The following GADL1 variants were observed in gnomAD, a reference collection of about 807,000 sequenced individuals.
The protein encoded by GADL1 is GAD like acidic amino acid decarboxylase 1.
Under a neutral mutation model 69.5 loss-of-function variants are expected in GADL1, and 71 were observed. The observed-to-expected ratio is 1.02, with a 90% CI of 0.84 to 1.25. GADL1 has a LOEUF of 1.25. GADL1 is among the 50% of genes most tolerant of loss of function. GADL1 has a pLI of 0.00. For missense variants in GADL1, 737 were observed against 631.8 expected, an observed-to-expected ratio of 1.17 and a Z score of -1.79; for synonymous variants, 254 against 214.4, an observed-to-expected ratio of 1.18 and a Z score of -1.62.
At chr3:30,785,382 C>CTTTTTACT (rs1696766551) in intron 13 of GADL1, among the ~76,000 whole-genome samples, 1 of 124,456 alleles carries the variant, frequency 8.0e-6, no homozygotes, top group Admixed American at 7.3e-5. Flanking sequence ...ATTTCTTTTT[C>CTTTTTACT]TTTTTTTTTT....
At chr3:30,870,781 T>G (rs1436888921) in intron 1 of GADL1, among the ~76,000 whole-genome samples, 25 of 151,306 alleles carry the variant, frequency 1.7e-4, no homozygotes. Flanking sequence ...GCGGATAGAT[T>G]GGATGTAGGG....
At chr3:30,848,936 C>T (rs1281518260) in intron 6 of GADL1, among the ~76,000 whole-genome samples, 1 of 152,124 alleles carries the variant, frequency 6.6e-6, no homozygotes, top group Non-Finnish European at 1.5e-5. Flanking sequence ...ACAGCAAGTC[C>T]CCCCATGAGG....
At chr3:30,885,910 G>A (rs956246602) in intron 1 of GADL1, among the ~76,000 whole-genome samples, 1 of 151,944 alleles carries the variant, frequency 6.6e-6, no homozygotes. Flanking sequence ...CCCAGCCTAT[G>A]TTTTTAAACT....
At chr3:30,838,822 G>A (rs746462875) in intron 9 of GADL1, among the ~76,000 whole-genome samples, 175 bp downstream of exon 9, 19 of 152,108 alleles carry the variant, frequency 1.2e-4, no homozygotes, top group South Asian at 2.1e-4. Flanking sequence ...ACACAAAGTC[G>A]TGGAATCTTC....
At chr3:30,854,858 A>G (rs1322511564) in intron 3 of GADL1, 69 bp from the exon 4 acceptor site, 1 of 758,128 alleles carries the variant, frequency 1.3e-6, no homozygotes, top group Non-Finnish European at 2.2e-6. Context: ...CAGCATTAAC[A>G]TAAATGAATC....
chr3:30,815,535 C>T (rs910902225), intron 11 of GADL1, among the ~76,000 whole-genome samples: 3 of 152,140 alleles, frequency 2.0e-5, no homozygotes, highest in African/African-American at 7.2e-5. Flanking sequence ...ACTATATCTA[C>T]AGAATTTCTG....
intron 1 of GADL1, among the ~76,000 whole-genome samples, chr3:30,863,941 G>C (rs1270015273): frequency 6.6e-6 from 1 of 152,048 alleles, no homozygotes; most frequent in African/African-American, 2.4e-5. Flanking sequence ...GTTGGGGAAA[G>C]ATGGAATCTG....
intron 11 of GADL1, among the ~76,000 whole-genome samples, chr3:30,824,103 G>A (rs1018740136): frequency 6.6e-6 from 1 of 151,682 alleles, no homozygotes; most frequent in African/African-American, 2.4e-5. Flanking sequence ...ACCCAGTAAA[G>A]CTCATGCAAG....
chr3:30,835,837 ATCAG>A (rs1245373374), intron 9 of GADL1, among the ~76,000 whole-genome samples: 4 of 152,030 alleles, frequency 2.6e-5, no homozygotes, highest in African/African-American at 9.7e-5. Flanking sequence ...ACTTGGCATT[ATCAG>A]TCAAATTCCC....
intron 8 of GADL1, among the ~76,000 whole-genome samples, chr3:30,842,685 C>T (rs1697986827): frequency 6.6e-6 from 1 of 151,688 alleles, no homozygotes; most frequent in Non-Finnish European, 1.5e-5. Context: ...AGAAATGAAA[C>T]TAAAACTAGA....
chr3:30,852,643 T>TA (rs11409920), intron 4 of GADL1, among the ~76,000 whole-genome samples: 35,306 of 146,778 alleles, frequency 0.24, 4,454 homozygotes, highest in East Asian at 0.42. Context: ...ACTTTCATAA[T>TA]AAAAAAAAAA....
intron 1 of GADL1, among the ~76,000 whole-genome samples, chr3:30,879,270 T>C (rs568707402): frequency 3.7e-4 from 57 of 152,062 alleles, no homozygotes; most frequent in African/African-American, 1.3e-3. Flanking sequence ...ATTTCTGGGC[T>C]TATGCCCCAT....
intron 1 of GADL1, among the ~76,000 whole-genome samples, chr3:30,872,584 A>G (rs984724445): frequency 2.6e-5 from 4 of 151,812 alleles, no homozygotes; most frequent in Admixed American, 2.0e-4. Flanking sequence ...CTAGCATCCC[A>G]ACTAGAACCA....
chr3:30,802,110 C>T (rs528589789), intron 11 of GADL1, among the ~76,000 whole-genome samples: 2 of 152,314 alleles, frequency 1.3e-5, no homozygotes, highest in African/African-American at 4.8e-5. Context: ...TATCAGGTCC[C>T]ATCTCAACTT....
intron 14 of GADL1, among the ~76,000 whole-genome samples, chr3:30,754,010 G>A (rs1012232831): frequency 3.3e-5 from 5 of 152,194 alleles, no homozygotes; most frequent in Admixed American, 2.6e-4. Flanking sequence ...GACTGAGGTG[G>A]TGAGGGCTAC....
intron 1 of GADL1, among the ~76,000 whole-genome samples, chr3:30,877,594 C>T (rs901668128): frequency 6.6e-6 from 1 of 151,882 alleles, no homozygotes; most frequent in Non-Finnish European, 1.5e-5. Context: ...GCCCACATAG[C>T]ATCTGAAAAA....
chr3:30,870,582 G>T (rs978553600), intron 1 of GADL1, among the ~76,000 whole-genome samples: 1 of 151,712 alleles, frequency 6.6e-6, no homozygotes, highest in African/African-American at 2.4e-5. Flanking sequence ...ATTTATGGAA[G>T]ATTCCTCTGG....
Position 30,774,669 on chromosome 3 carries a change from G to A in GADL1, c.1392+3510C>T, listed in dbSNP as rs180823188. Among the ~76,000 whole-genome samples, 56 of 152,056 alleles carry A rather than the reference G, an allele frequency of 3.7e-4. No homozygotes were observed. The East Asian group carries it at 8.9e-3, about 24-fold the overall frequency. ...TCTTATAAACTTTCTCTTTCATATTGTATATAAAGTCTTATGTTGCCTTTT... is the reference window on the plus strand; with the variant it reads ...TCTTATAAACTTTCTCTTTCATATTATATATAAAGTCTTATGTTGCCTTTT... On this transcript the variant is annotated intron_variant, in intron 14 of 14. Transcript: ENST00000282538.
At chr3:30,825,565 A>C (rs185428858) in intron 11 of GADL1, among the ~76,000 whole-genome samples, 125 of 152,084 alleles carry the variant, frequency 8.2e-4, no homozygotes, top group Non-Finnish European at 1.4e-3. Flanking sequence ...GACAACTAAA[A>C]TTCTGCAAAG....
Sources: allele counts gnomAD v4.1 joint callset (sites outside exome capture counted in the v4.1 genomes callset), GRCh38; gene constraint gnomAD v4.1.1; transcripts MANE v1.5; gene names NCBI Gene and HGNC (gene_info 2026-07-23, HGNC 2026-07-21).